ATF1: variants seen among roughly 807,000 people sequenced by gnomAD.
ATF1 encodes the protein cyclic AMP-dependent transcription factor ATF-1.
Under a neutral mutation model 34.7 loss-of-function variants are expected in ATF1, and 16 were observed. The ratio of observed to expected loss-of-function variants is 0.46; its 90% CI spans 0.31 to 0.70. The LOEUF (loss-of-function observed/expected upper bound fraction) is 0.70, where lower values mean the gene tolerates loss of function less well. Ranked by LOEUF, ATF1 falls within the 30% of genes least tolerant of loss-of-function variation. The pLI, the probability that ATF1 is intolerant of heterozygous loss-of-function variation, is 0.05. For missense variants in ATF1, 255 were observed against 321.6 expected (o/e 0.79, Z 1.58); for synonymous variants, 105 against 113.1 (o/e 0.93, Z 0.46).
chr12:50,777,491 G>C (rs1940952840), intron 1 of ATF1, among the ~76,000 whole-genome samples: 1 of 152,060 alleles, frequency 6.6e-6, no homozygotes, highest in South Asian at 2.1e-4. Context: ...AAATGAATTT[G>C]GGCTGGGCAT....
At chr12:50,783,117 T>C (rs937856438) in intron 2 of ATF1, among the ~76,000 whole-genome samples, 4 of 152,216 alleles carry the variant, frequency 2.6e-5, no homozygotes, top group African/African-American at 9.6e-5. Context: ...GTGTAATGGA[T>C]TGTTATTGTA....
At chr12:50,765,416 T>G (rs1317644353) in intron 1 of ATF1, among the ~76,000 whole-genome samples, 1 of 152,256 alleles carries the variant, frequency 6.6e-6, no homozygotes, top group Non-Finnish European at 1.5e-5. Flanking sequence ...AGGTTTGGTC[T>G]GTGAGCTATC....
intron 3 of ATF1, among the ~76,000 whole-genome samples, chr12:50,802,601 G>A (rs1307789675): frequency 7.3e-5 from 11 of 151,432 alleles, no homozygotes; most frequent in Admixed American, 1.3e-4. Context: ...GGCTGGGAGC[G>A]GTGGCTCACA....
chr12:50,791,562 A>T (rs1028635598), intron 2 of ATF1, among the ~76,000 whole-genome samples: 27 of 152,186 alleles, frequency 1.8e-4, no homozygotes, highest in African/African-American at 6.5e-4. Context: ...CAAAAAAAAA[A>T]AAAGAAAAAC....
chr12:50,780,037 T>C, intron 1 of ATF1, 103 bp from the exon 2 acceptor site: 1 of 785,838 alleles, frequency 1.3e-6, no homozygotes, highest in South Asian at 2.5e-5. Flanking sequence ...ACCAGTTCTT[T>C]TCCATTGAGG....
At chr12:50,792,526 C>G (rs1320801027) in intron 2 of ATF1, among the ~76,000 whole-genome samples, 2 of 152,120 alleles carry the variant, frequency 1.3e-5, no homozygotes, top group East Asian at 3.9e-4. Context: ...GCAAATGATA[C>G]AGAAATTTGA....
chr12:50,802,661 C>T (rs1005810900), intron 3 of ATF1, among the ~76,000 whole-genome samples: 2 of 151,390 alleles, frequency 1.3e-5, no homozygotes, highest in Admixed American at 1.3e-4. Flanking sequence ...ATCACGAGGT[C>T]AGGAGTTCGG....
rs1038086519 is a variant in ATF1, at chr12:50,780,359, T to C, written c.93+121T>C. The C allele has an allele frequency of 6.1e-5, 57 of 930,940 alleles. No individual in the cohort carries two copies. The African/African-American group carries it at 8.1e-4, about 13-fold the overall frequency. 57.7% of individuals were successfully genotyped at this position (930,940 alleles called of 1,614,324 possible). Reference sequence around the variant, plus strand: ...GGTTTTTGTTTTTTGGGTTTTTTTTTTCGAGGCAGATTTTTGCTCTAGTTG... The same window carrying C: ...GGTTTTTGTTTTTTGGGTTTTTTTTCTCGAGGCAGATTTTTGCTCTAGTTG... On this transcript the variant is annotated intron_variant, in intron 2 of 6. Transcript: ENST00000262053.
chr12:50,774,091 G>A (rs1013172244), intron 1 of ATF1, among the ~76,000 whole-genome samples: 1 of 151,902 alleles, frequency 6.6e-6, no homozygotes, highest in Non-Finnish European at 1.5e-5. Context: ...GAGTGCATTG[G>A]CACTATCTCA....
Position 50,809,589 on chromosome 12 carries a change from A to G in ATF1, c.328A>G (p.Ile110Val). ...CTATCAGACTAGCAGCGGACAGTACAGTATGTATAGGAATCAGTTTCCACA... is the reference window on the plus strand; with the variant it reads ...CTATCAGACTAGCAGCGGACAGTACGGTATGTATAGGAATCAGTTTCCACA... Reference protein sequence around the residue: ...PIYQTSSGQYIAIAPNGALQL... With the variant: ...PIYQTSSGQYVAIAPNGALQL... The change falls in exon 4 of 7, where the codon ATT becomes GTT. Residue 110 changes from isoleucine to valine, a missense_variant and splice_region_variant. Coordinates refer to ENST00000262053, the MANE Select transcript of ATF1 (RefSeq NM_005171.5). 6.2e-7 allele frequency: 1 copy of G among 1,609,266 alleles called. No homozygotes were observed. The highest frequency in any genetic ancestry group is 2.2e-5 in the East Asian group (1 of 44,834).
intron 2 of ATF1, 142 bp from the exon 3 acceptor site, chr12:50,795,767 G>T (rs912412702): frequency 4.4e-6 from 3 of 684,294 alleles, no homozygotes; most frequent in Middle Eastern, 7.1e-4. Flanking sequence ...TTTTCCTTTT[G>T]TTCCTTTCTT....
rs56060219 is a variant in ATF1, at chr12:50,809,373, C to CAAA, written c.195-63_195-61dup. The CAAA allele has an allele frequency of 7.5e-4, 570 of 758,334 alleles. 1 individual carries two copies. The highest frequency in any genetic ancestry group is 5.8e-3 in the African/African-American group (212 of 36,506). 47.0% of individuals were successfully genotyped at this position (758,334 alleles called of 1,614,324 possible). A position where few individuals can be genotyped will look rare whatever the true frequency, so the allele number is the denominator to read the frequency against. Reference sequence around the variant, plus strand: ...TGGGTGACAAAGCAAGATCTTGTCTCAAAAAAAAAAAAAAAAAAAAAATTA... The same window carrying CAAA: ...TGGGTGACAAAGCAAGATCTTGTCTCAAAAAAAAAAAAAAAAAAAAAAAAATTA... On this transcript the variant is annotated intron_variant, in intron 3 of 6. Transcript: ENST00000262053.
At position 50,795,932 on chromosome 12, in the gene ATF1, G is replaced by C; in HGVS notation, c.117G>C (p.Glu39Asp). ...AQQVSSLSESEESQDSSDSIG... is the reference protein window; with the variant it reads ...AQQVSSLSESDESQDSSDSIG... ...AGGTATCATCTTTATCAGAAAGTGAGGAGTCCCAGGACTCATCCGACAGCA... is the reference window on the plus strand; with the variant it reads ...AGGTATCATCTTTATCAGAAAGTGACGAGTCCCAGGACTCATCCGACAGCA... Residue 39 changes from glutamate (E) to aspartate (D), a missense_variant, in exon 3 of 7, where the codon GAG (glutamate) becomes GAC (aspartate). Around this residue, in one of 2 missense-constraint regions of ATF1, gnomAD observed 221 missense variants for 250.7 expected, o/e 0.88. Transcript: ENST00000262053. 6.2e-7 allele frequency: 1 copy of C among 1,612,288 alleles called. No homozygotes were observed. The highest frequency in any genetic ancestry group is 8.5e-7 in the Non-Finnish European group (1 of 1,179,336).
chr12:50,798,650 G>A (rs1941457811), intron 3 of ATF1, among the ~76,000 whole-genome samples: 1 of 152,054 alleles, frequency 6.6e-6, no homozygotes, highest in Admixed American at 6.6e-5. Context: ...CTCTCAGGAA[G>A]GCTATAACAT....
intron 2 of ATF1, among the ~76,000 whole-genome samples, chr12:50,791,173 A>G (rs1043541608): frequency 2.0e-5 from 3 of 152,204 alleles, no homozygotes; most frequent in Non-Finnish European, 4.4e-5. Context: ...ACAGAATTTC[A>G]TGACCCTAGG....
Position 50,820,903 on chromosome 12 carries a change from A to T in ATF1, c.*1124A>T, listed in dbSNP as rs1261346201. On this transcript the variant is annotated 3_prime_UTR_variant, in exon 7 of 7. Transcript: ENST00000262053. ...TTTAGTAAAATTTGCATCTCAAAGT[A>T]TCATTTTTATATTATGGGACGTTTT... 1.1e-5 allele frequency: 2 copies of T among 179,350 alleles called. No individual in the cohort carries two copies. The highest frequency in any genetic ancestry group is 1.9e-4 in the East Asian group (2 of 10,766). The allele number at this position is 179,350 out of a possible 1,614,324, so 11.1% of individuals were successfully genotyped here.
intron 3 of ATF1, among the ~76,000 whole-genome samples, chr12:50,797,890 TAAG>T (rs1451362026): frequency 6.6e-6 from 1 of 152,024 alleles, no homozygotes; most frequent in Non-Finnish European, 1.5e-5. Context: ...AGAAACTACT[TAAG>T]GAGGCTGGGT....
intron 3 of ATF1, among the ~76,000 whole-genome samples, chr12:50,809,195 GA>G (rs1464926867): frequency 6.6e-6 from 1 of 151,808 alleles, no homozygotes; most frequent in Non-Finnish European, 1.5e-5. Flanking sequence ...CCAACATGGT[GA>G]AACCCCGTGT....
chr12:50,815,744 T>A lies in ATF1; in HGVS notation c.671+1305T>A, dbSNP rs535136627. On this transcript the variant is annotated intron_variant, in intron 6 of 6. Coordinates refer to ENST00000262053, the MANE Select transcript of ATF1 (RefSeq NM_005171.5). ...CCACTATGAAAACCAGTATGGAGAC[T>A]TCTCAAAAAACGAAAAATAGAAATC... Among the ~76,000 whole-genome samples, 162 of 152,136 alleles carry A rather than the reference T, an allele frequency of 1.1e-3. 1 individual carries two copies. The highest frequency in any genetic ancestry group is 3.6e-3 in the African/African-American group (150 of 41,482).
Sources: gnomAD v4.1 joint callset for allele counts (sites outside exome capture counted in the v4.1 genomes callset) on GRCh38, gnomAD v4.1.1 for gene constraint, gnomAD v4.1.1 regional missense constraint, MANE v1.5 for transcripts, NCBI Gene and HGNC (gene_info 2026-07-23, HGNC 2026-07-21) for gene names.